ANK3: variants seen among roughly 807,000 people sequenced by gnomAD.
The protein encoded by ANK3 is ankyrin-3.
In ANK3, 57 loss-of-function variants were observed where a neutral mutation model predicts 370.9. The observed-to-expected ratio is 0.15, with a 90% CI of 0.12 to 0.19. ANK3 has a LOEUF of 0.19. Among genes scored for constraint, ANK3 ranks in the 10% least tolerant of loss-of-function variants. The probability of loss-of-function intolerance (pLI) is 1.00; values close to 1 mark genes in which losing one functional copy is unlikely to be tolerated. For synonymous variants in ANK3, 1,929 were observed against 1,946.3 expected, an observed-to-expected ratio of 0.99 and a Z score of 0.23; for missense variants, 4,439 against 5,302.1, an observed-to-expected ratio of 0.84 and a Z score of 5.06.
intron 2 of ANK3, among the ~76,000 whole-genome samples, chr10:60,591,816 C>G (rs2077919045): frequency 6.6e-6 from 1 of 151,974 alleles, no homozygotes; most frequent in South Asian, 2.1e-4. Context: ...GTGAAATAAG[C>G]CAGGCACAGA....
rs141680257 is a variant in ANK3 at position 60,072,150 on chromosome 10, C to T, written c.8731G>A (p.Gly2911Ser). The change falls in exon 37 of 44, where the codon GGC (glycine) becomes AGC (serine). Residue 2911 changes from glycine to serine, a missense_variant. By Grantham distance (56) the Gly-to-Ser change is moderately conservative (BLOSUM62 0). This residue lies in a region of ANK3 where 1,601 missense variants were observed against 1,731.7 expected (regional missense o/e 0.92). Transcript: ENST00000280772. Reference protein sequence around the residue: ...TERERKLLTNGSLSEIKEMTV... With the variant: ...TERERKLLTNSSLSEIKEMTV... Reference sequence around the variant, plus strand: ...ATTTCTTTAATTTCTGAGAGAGAGCCGTTTGTTAACAATTTGCGTTCTCTC... The same window carrying T: ...ATTTCTTTAATTTCTGAGAGAGAGCTGTTTGTTAACAATTTGCGTTCTCTC... 49 of 1,613,688 alleles carry T rather than the reference C, an allele frequency of 3.0e-5. No homozygotes were observed. In the African/African-American group the frequency reaches 5.1e-4, roughly 17 times the overall value.
intron 12 of ANK3, among the ~76,000 whole-genome samples, chr10:60,201,331 G>A (rs1486850251): frequency 2.0e-5 from 3 of 152,208 alleles, no homozygotes; most frequent in African/African-American, 7.2e-5. Context: ...TCTTACTGGG[G>A]AGCCCCACTC....
At chr10:60,661,781 T>C (rs950252194) in intron 1 of ANK3, among the ~76,000 whole-genome samples, 13 of 152,156 alleles carry the variant, frequency 8.5e-5, no homozygotes, top group Non-Finnish European at 1.6e-4. Context: ...ACAAGAATGA[T>C]GCCGGCCACC....
intron 2 of ANK3, among the ~76,000 whole-genome samples, chr10:60,472,185 G>A (rs954039259): frequency 1.3e-5 from 2 of 152,126 alleles, no homozygotes; most frequent in East Asian, 3.8e-4. Context: ...TCTGCAAGCA[G>A]ACATACATAC....
rs543801487 is a variant in ANK3 at position 60,193,230 on chromosome 10, T to C, written c.1887+2915A>G. ...GCTAATGGAATGTTATAAAGAATTA[T>C]TTAAAGGATTGCTTTTCTTTTCAAA... On this transcript the variant is annotated intron_variant, in intron 16 of 43. Coordinates refer to ENST00000280772, the MANE Select transcript of ANK3 (RefSeq NM_020987.5). 9.2e-5 allele frequency among the ~76,000 whole-genome samples: 14 copies of C among 152,350 alleles called. 2 individuals carry two copies. Among genetic ancestry groups the C allele is most frequent in the Middle Eastern group, 3.4e-3 (1 of 294 alleles).
At chr10:60,363,714 TC>T (rs921495765) in intron 1 of ANK3, among the ~76,000 whole-genome samples, 6 of 151,974 alleles carry the variant, frequency 3.9e-5, no homozygotes, top group African/African-American at 1.5e-4. Context: ...CACACCAATG[TC>T]AAAAGTACCA....
At chr10:60,562,408 CG>C (rs368809696) in intron 2 of ANK3, among the ~76,000 whole-genome samples, 77 of 141,188 alleles carry the variant, frequency 5.5e-4, no homozygotes, top group East Asian at 2.6e-3. Flanking sequence ...GCATTTGTTT[CG>C]GGGGGGGCAT....
chr10:60,296,763 C>T (rs577553125), intron 1 of ANK3, among the ~76,000 whole-genome samples: 1 of 152,180 alleles, frequency 6.6e-6, no homozygotes, highest in Non-Finnish European at 1.5e-5. Context: ...AGATGAGAGC[C>T]TAAGAGTCTG....
intron 2 of ANK3, among the ~76,000 whole-genome samples, chr10:60,610,792 C>T (rs1375394344): frequency 2.0e-5 from 3 of 152,152 alleles, no homozygotes; most frequent in Non-Finnish European, 2.9e-5. Flanking sequence ...TAACAGACTT[C>T]GTTTCTGAAA....
At chr10:60,275,791 T>G (rs1357561181) in intron 4 of ANK3, among the ~76,000 whole-genome samples, 2 of 152,140 alleles carry the variant, frequency 1.3e-5, no homozygotes, top group African/African-American at 2.4e-5. Context: ...AGTTAAAATA[T>G]TATTGGAAAC....
intron 2 of ANK3, among the ~76,000 whole-genome samples, chr10:60,432,954 CT>C (rs977260425): frequency 6.6e-6 from 1 of 152,148 alleles, no homozygotes; most frequent in African/African-American, 2.4e-5. Flanking sequence ...AGTCCCCTTC[CT>C]TTTTCCATCC....
At chr10:60,570,665 T>A (rs961473784) in intron 2 of ANK3, among the ~76,000 whole-genome samples, 112 of 152,202 alleles carry the variant, frequency 7.4e-4, no homozygotes, top group African/African-American at 2.6e-3. Flanking sequence ...AGTAAGGAGT[T>A]TAGAAGGTAC....
rs1484773248 is a variant in ANK3, at chr10:60,374,180, G to A, written c.114+15245C>T. 2.0e-5 allele frequency among the ~76,000 whole-genome samples: 3 copies of A among 152,040 alleles called. No individual in the cohort carries two copies. The South Asian group carries it at 6.3e-4, about 32-fold the overall frequency. Reference sequence around the variant, plus strand: ...GCTGGGAAGGACTCTCAGGACCAGTGTCAGGGTCCTCGAGATAAAACAGAC... The same window carrying A: ...GCTGGGAAGGACTCTCAGGACCAGTATCAGGGTCCTCGAGATAAAACAGAC... On this transcript the variant is annotated intron_variant, in intron 1 of 43. Transcript: ENST00000280772.
chr10:60,467,710 C>T (rs2065041943), intron 2 of ANK3, among the ~76,000 whole-genome samples: 2 of 151,684 alleles, frequency 1.3e-5, no homozygotes, highest in Non-Finnish European at 2.9e-5. Context: ...AAAATATTTC[C>T]CAGTAAATCA....
At chr10:60,330,438 A>G (rs2050954992) in intron 1 of ANK3, among the ~76,000 whole-genome samples, 1 of 152,226 alleles carries the variant, frequency 6.6e-6, no homozygotes, top group African/African-American at 2.4e-5. Flanking sequence ...ACTTACAAGA[A>G]AATAAATCAA....
At chr10:60,046,032 T>A (rs1459192213) in intron 42 of ANK3, among the ~76,000 whole-genome samples, 2 of 152,140 alleles carry the variant, frequency 1.3e-5, no homozygotes, top group South Asian at 2.1e-4. Context: ...ATAGGTGGAA[T>A]GAAAATAAAA....
At chr10:60,234,154 G>A (rs955869360) in intron 8 of ANK3, among the ~76,000 whole-genome samples, 2 of 152,118 alleles carry the variant, frequency 1.3e-5, no homozygotes, top group African/African-American at 4.8e-5. Context: ...GAACATTTGG[G>A]CTGCTTTTAC....
chr10:60,448,350 T>C (rs2064506404), intron 2 of ANK3, among the ~76,000 whole-genome samples: 1 of 152,236 alleles, frequency 6.6e-6, no homozygotes, highest in Non-Finnish European at 1.5e-5. Flanking sequence ...TCAGAATTTA[T>C]TTCTTCATTA....
chr10:60,612,198 G>A (rs2078210673), intron 2 of ANK3, among the ~76,000 whole-genome samples: 1 of 152,100 alleles, frequency 6.6e-6, no homozygotes, highest in South Asian at 2.1e-4. Context: ...GGGCTGAGTG[G>A]GTGCCAAGCA....
Sources: allele counts gnomAD v4.1 joint callset (sites outside exome capture counted in the v4.1 genomes callset), GRCh38; gene constraint gnomAD v4.1.1; regional missense constraint gnomAD v4.1.1; transcripts MANE v1.5; gene names NCBI Gene and HGNC (gene_info 2026-07-23, HGNC 2026-07-21).